The following BMAL1 variants were observed in gnomAD, a reference collection of about 807,000 sequenced individuals.
BMAL1 encodes basic helix-loop-helix ARNT-like protein 1.
At chr11:13,300,757 T>A in the BMAL1 span, among the ~76,000 whole-genome samples, 1 of 152,220 alleles carries the variant, frequency 6.6e-6, no homozygotes, top group Non-Finnish European at 1.5e-5. Context: ...TGCCATTTAG[T>A]AGTGGAAGCA....
At chr11:13,323,815 C>T in the BMAL1 span, among the ~76,000 whole-genome samples, 1 of 152,160 alleles carries the variant, frequency 6.6e-6, no homozygotes, top group African/African-American at 2.4e-5. Flanking sequence ...TGGGGTATCA[C>T]CATGTTGGCC....
the BMAL1 span, chr11:13,356,924 C>T: frequency 1.3e-6 from 2 of 1,584,642 alleles, no homozygotes; most frequent in Non-Finnish European, 1.7e-6. Context: ...CACTGTGTCC[C>T]TCCAACCCCC....
At chr11:13,374,835 A>G in the BMAL1 span, among the ~76,000 whole-genome samples, 2 of 152,124 alleles carry the variant, frequency 1.3e-5, no homozygotes, top group African/African-American at 4.8e-5. Flanking sequence ...CCTGCTTTAG[A>G]CTCAAGCCCA....
the BMAL1 span, chr11:13,386,847 A>G: frequency 6.8e-7 from 1 of 1,468,694 alleles, no homozygotes; most frequent in East Asian, 2.3e-5. Flanking sequence ...ATAAGGAGAG[A>G]ATAGCTTTTA....
At chr11:13,350,710 A>G in the BMAL1 span, among the ~76,000 whole-genome samples, 3 of 152,344 alleles carry the variant, frequency 2.0e-5, no homozygotes, top group South Asian at 6.2e-4. Flanking sequence ...AAGCTTAGGT[A>G]GTATATCAAA....
the BMAL1 span, among the ~76,000 whole-genome samples, chr11:13,289,248 C>T: frequency 1.4e-4 from 22 of 152,266 alleles, no homozygotes; most frequent in East Asian, 3.9e-3. Context: ...GATGTACTGG[C>T]CCTTACAGGA....
chr11:13,363,064 A>G, the BMAL1 span, among the ~76,000 whole-genome samples: 26 of 143,840 alleles, frequency 1.8e-4, no homozygotes, highest in East Asian at 4.9e-3. Context: ...ATCCAAATCA[A>G]TGACATTTTG....
chr11:13,348,089 G>C, the BMAL1 span, among the ~76,000 whole-genome samples: 1 of 152,204 alleles, frequency 6.6e-6, no homozygotes, highest in African/African-American at 2.4e-5. Context: ...TGCTGCAGGA[G>C]AGCCAGGGAG....
At chr11:13,345,042 A>G in the BMAL1 span, among the ~76,000 whole-genome samples, 2 of 152,214 alleles carry the variant, frequency 1.3e-5, no homozygotes, top group Non-Finnish European at 2.9e-5. Context: ...TGGATACCAG[A>G]TAGGGTTGTC....
chr11:13,372,219 C>T, the BMAL1 span: 1 of 1,614,178 alleles, frequency 6.2e-7, no homozygotes, highest in African/African-American at 1.3e-5. Context: ...AAGCTGGCCA[C>T]CCACAAAGAT....
At chr11:13,346,252 C>T in the BMAL1 span, among the ~76,000 whole-genome samples, 1 of 152,220 alleles carries the variant, frequency 6.6e-6, no homozygotes, top group Non-Finnish European at 1.5e-5. Context: ...ATGGCCAGGC[C>T]TGCCACCAGG....
At chr11:13,331,257 G>C in the BMAL1 span, among the ~76,000 whole-genome samples, 11 of 152,232 alleles carry the variant, frequency 7.2e-5, no homozygotes, top group African/African-American at 2.4e-4. Context: ...GAGAAAATGA[G>C]AGTGGGGAAT....
chr11:13,385,057 C>G, the BMAL1 span, among the ~76,000 whole-genome samples: 1 of 152,082 alleles, frequency 6.6e-6, no homozygotes, highest in Non-Finnish European at 1.5e-5. Context: ...TGTTTCCTCA[C>G]GTATATCCAG....
the BMAL1 span, among the ~76,000 whole-genome samples, chr11:13,291,024 G>A: frequency 6.6e-6 from 1 of 152,168 alleles, no homozygotes; most frequent in South Asian, 2.1e-4. Context: ...AGTGGTGAAT[G>A]CAGCAGAAAG....
chr11:13,320,834 T>C, the BMAL1 span, among the ~76,000 whole-genome samples: 2 of 152,150 alleles, frequency 1.3e-5, no homozygotes, highest in African/African-American at 4.8e-5. Flanking sequence ...GCAAATAGTG[T>C]GTCCAGTAAT....
the BMAL1 span, among the ~76,000 whole-genome samples, chr11:13,383,469 G>A: frequency 3.7e-4 from 57 of 152,142 alleles, no homozygotes; most frequent in African/African-American, 1.3e-3. Context: ...TCAGACAAGT[G>A]GCACCAAACT....
the BMAL1 span, among the ~76,000 whole-genome samples, chr11:13,304,298 G>A: frequency 1.3e-5 from 2 of 152,184 alleles, no homozygotes; most frequent in African/African-American, 2.4e-5. Context: ...GGGAGAAGCC[G>A]TTAGATTTGA....
chr11:13,304,247 G>A, the BMAL1 span, among the ~76,000 whole-genome samples: 1 of 152,196 alleles, frequency 6.6e-6, no homozygotes. Context: ...ATCCAGGTAT[G>A]TGACCAGAAG....
chr11:13,331,140 T>C, the BMAL1 span, among the ~76,000 whole-genome samples: 5 of 152,266 alleles, frequency 3.3e-5, no homozygotes, highest in East Asian at 5.8e-4. Flanking sequence ...ACAGATACCC[T>C]TCAGGGGTTC....
Sources: allele counts gnomAD v4.1 joint callset (sites outside exome capture counted in the v4.1 genomes callset), GRCh38; gene constraint gnomAD v4.1.1; transcripts MANE v1.5; gene names NCBI Gene and HGNC (gene_info 2026-07-23, HGNC 2026-07-21).